The following DGAT2L6 variants were observed in gnomAD, a reference collection of about 807,000 sequenced individuals.
The protein encoded by DGAT2L6 is diacylglycerol O-acyltransferase 2 like 6.
In DGAT2L6, 22 loss-of-function variants were observed where a neutral mutation model predicts 25.5. The ratio of observed to expected loss-of-function variants is 0.86; its 90% CI spans 0.62 to 1.23. The LOEUF (loss-of-function observed/expected upper bound fraction) is 1.23, where lower values mean the gene tolerates loss of function less well. Among genes scored for constraint, DGAT2L6 ranks in the 50% most tolerant of loss-of-function variants. The probability of loss-of-function intolerance (pLI) is 0.00; values close to 1 mark genes in which losing one functional copy is unlikely to be tolerated. For missense variants in DGAT2L6, 287 were observed against 253.2 expected (o/e 1.13, Z -0.91); for synonymous variants, 100 against 94.7 (o/e 1.06, Z -0.32).
At chrX:70,204,821 G>A (rs2085423189) in intron 6 of DGAT2L6, 131 bp from the exon 7 acceptor site, 1 of 805,679 alleles carries the variant, frequency 1.2e-6, no homozygotes, top group Non-Finnish European at 1.7e-6. Context: ...GATGAGACTG[G>A]AGCAAAGGGA....
chrX:70,196,503 G>GAAAAAAGAGAAAA (rs1164024384), intron 1 of DGAT2L6, among the ~76,000 whole-genome samples: 1 of 70,567 alleles, frequency 1.4e-5, no homozygotes, highest in South Asian at 6.9e-4. Flanking sequence ...AAAAAAAAAA[G>GAAAAAAGAGAAAA]AAAGAAAAAA....
intron 1 of DGAT2L6, among the ~76,000 whole-genome samples, chrX:70,189,538 C>A (rs185786333): frequency 4.4e-3 from 492 of 111,537 alleles, no homozygotes; most frequent in African/African-American, 0.015. Flanking sequence ...AGTAAAGATG[C>A]CAATTCTCCC....
chrX:70,197,911 C>T (rs1465575948), intron 1 of DGAT2L6, among the ~76,000 whole-genome samples: 1 of 112,240 alleles, frequency 8.9e-6, no homozygotes, highest in Non-Finnish European at 1.9e-5. Context: ...TGAATGCTTA[C>T]AACAACTATC....
chrX:70,187,568 A>G (rs373506732), intron 1 of DGAT2L6, among the ~76,000 whole-genome samples: 2 of 112,202 alleles, frequency 1.8e-5, no homozygotes, highest in East Asian at 5.6e-4. Flanking sequence ...GTTAACTTAG[A>G]TACAGTAAGT....
At chrX:70,184,453 T>C (rs769303952) in intron 1 of DGAT2L6, among the ~76,000 whole-genome samples, 60 of 109,270 alleles carry the variant, frequency 5.5e-4, no homozygotes, top group Middle Eastern at 9.5e-3. Context: ...TTTTTCTTTT[T>C]CTTATTTTCT....
intron 4 of DGAT2L6, among the ~76,000 whole-genome samples, chrX:70,200,712 A>G (rs2085407291): frequency 9.0e-6 from 1 of 111,533 alleles, no homozygotes; most frequent in Admixed American, 9.5e-5. Flanking sequence ...AGGGAGAACC[A>G]GAAGGCTGGA....
chrX:70,182,469 CTTTTTTTTT>C (rs1171530335), intron 1 of DGAT2L6, among the ~76,000 whole-genome samples: 5 of 49,143 alleles, frequency 1.0e-4, no homozygotes, highest in Admixed American at 2.5e-4. Context: ...TCAAAAGCAT[CTTTTTTTTT>C]TTTTTTTTTT....
intron 1 of DGAT2L6, among the ~76,000 whole-genome samples, chrX:70,191,311 T>G (rs1458453810): frequency 1.8e-5 from 2 of 109,944 alleles, no homozygotes; most frequent in Non-Finnish European, 3.8e-5. Context: ...AATAAAGAAA[T>G]AAAAACCACA....
At chrX:70,196,641 T>A (rs868647792) in intron 1 of DGAT2L6, among the ~76,000 whole-genome samples, 1 of 102,085 alleles carries the variant, frequency 9.8e-6, no homozygotes. Flanking sequence ...AGAAAAAAAA[T>A]TAATAAGTTG....
intron 1 of DGAT2L6, among the ~76,000 whole-genome samples, chrX:70,194,115 A>G (rs1159942064): frequency 1.8e-5 from 2 of 111,985 alleles, no homozygotes; most frequent in Admixed American, 1.9e-4. Flanking sequence ...AACTATCCAA[A>G]AAAGAAATGA....
rs1040295417 is a variant in DGAT2L6 at position 70,180,011 on chromosome X, A to G, written c.85+2344A>G. ...TATAGGGTAGAGAGTGTATCAGACA[A>G]CTGGATATGTGAGGGACCAAGAAGG... On this transcript the variant is annotated intron_variant, in intron 1 of 6. Coordinates refer to ENST00000333026, the MANE Select transcript of DGAT2L6 (RefSeq NM_198512.3). 3.6e-5 allele frequency among the ~76,000 whole-genome samples: 4 copies of G among 111,530 alleles called. No individual in the cohort carries two copies. The Admixed American group carries it at 3.8e-4, about 11-fold the overall frequency.
chrX:70,203,456 C>G (rs1440818954), intron 5 of DGAT2L6, among the ~76,000 whole-genome samples: 1 of 111,915 alleles, frequency 8.9e-6, no homozygotes, highest in Non-Finnish European at 1.9e-5. Context: ...AACATCTGAA[C>G]TGTGAATTGA....
intron 1 of DGAT2L6, among the ~76,000 whole-genome samples, chrX:70,196,514 G>GA (rs1190627830): frequency 1.2e-3 from 90 of 72,408 alleles, no homozygotes; most frequent in African/African-American, 4.0e-3. Context: ...AAAGAAAAAA[G>GA]AAAAAAAAAG....
At chrX:70,195,109 A>C (rs1325220496) in intron 1 of DGAT2L6, among the ~76,000 whole-genome samples, 1 of 112,292 alleles carries the variant, frequency 8.9e-6, no homozygotes, top group Non-Finnish European at 1.9e-5. Flanking sequence ...TCCAAAGAAA[A>C]CATACAAATA....
chrX:70,203,871 T>C (rs1152182), intron 5 of DGAT2L6, among the ~76,000 whole-genome samples: 46,442 of 107,990 alleles, frequency 0.43, 8,873 homozygotes, highest in African/African-American at 0.73. Flanking sequence ...TGAGAGAGTA[T>C]GAGGCACACT....
intron 1 of DGAT2L6, among the ~76,000 whole-genome samples, chrX:70,189,216 A>G (rs1398704916): frequency 9.0e-6 from 1 of 111,516 alleles, no homozygotes; most frequent in Non-Finnish European, 1.9e-5. Context: ...GATAGTATGT[A>G]TGGAAAATCC....
intron 1 of DGAT2L6, among the ~76,000 whole-genome samples, chrX:70,198,857 G>A (rs1019218574): frequency 1.8e-5 from 2 of 111,950 alleles, no homozygotes; most frequent in African/African-American, 6.5e-5. Context: ...TGTACACTGC[G>A]GGTAACCTCC....
chrX:70,195,464 T>TCA (rs1256082724), intron 1 of DGAT2L6, among the ~76,000 whole-genome samples: 237 of 103,370 alleles, frequency 2.3e-3, no homozygotes, highest in East Asian at 7.6e-3. Context: ...AAAGAAAGTG[T>TCA]CACACACACA....
In DGAT2L6 at chrX:70,201,874, C is replaced by T. The variant is rs1023037256; in HGVS notation, c.473-16C>T. 3 of 1,152,418 alleles carry T rather than the reference C, an allele frequency of 2.6e-6. No homozygotes were observed. The highest frequency in any genetic ancestry group is 2.3e-6 in the Non-Finnish European group (2 of 868,357). The allele number at this position is 1,152,418 out of a possible 1,213,427, so 95.0% of individuals were successfully genotyped here. A position where few individuals can be genotyped will look rare whatever the true frequency, so the allele number is the denominator to read the frequency against. ...GGAATGAAGTTTTTCTACCACTTGA[C>T]TCTTTGGTTTCACAGGTGTGTGCCC... is the stretch of plus-strand genomic sequence containing the variant. On this transcript the variant is annotated splice_polypyrimidine_tract_variant and intron_variant, in intron 4 of 6. Transcript: ENST00000333026.
Sources: allele counts gnomAD v4.1 joint callset (sites outside exome capture counted in the v4.1 genomes callset), GRCh38; gene constraint gnomAD v4.1.1; transcripts MANE v1.5; gene names NCBI Gene and HGNC (gene_info 2026-07-23, HGNC 2026-07-21).